Variants in GPC5 observed in about 807,000 individuals in gnomAD.
The protein encoded by GPC5 is glypican 5.
A neutral mutation model predicts 53.9 loss-of-function variants in GPC5; 47 were observed. That is an observed-to-expected ratio of 0.87 (90% CI 0.69 to 1.11). The LOEUF (loss-of-function observed/expected upper bound fraction) is 1.11, where lower values mean the gene tolerates loss of function less well. GPC5 is among the 50% of genes most tolerant of loss of function. GPC5 has a pLI of 0.00. For missense variants in GPC5, 748 were observed against 713.1 expected, an observed-to-expected ratio of 1.05 and a Z score of -0.56; for synonymous variants, 286 against 263.3, an observed-to-expected ratio of 1.09 and a Z score of -0.84.
intron 2 of GPC5, among the ~76,000 whole-genome samples, chr13:91,562,474 C>A (rs917935800): frequency 6.6e-6 from 1 of 151,650 alleles, no homozygotes; most frequent in African/African-American, 2.4e-5. Context: ...TTTTTTCTTT[C>A]TTTTTTTGAG....
intron 1 of GPC5, among the ~76,000 whole-genome samples, chr13:91,414,064 C>T (rs1878006101): frequency 6.6e-6 from 1 of 152,280 alleles, no homozygotes; most frequent in Non-Finnish European, 1.5e-5. Flanking sequence ...CCCACTGCCC[C>T]AGTGGTCTAG....
chr13:91,748,586 A>G (rs1008333865), intron 4 of GPC5, among the ~76,000 whole-genome samples: 1 of 152,246 alleles, frequency 6.6e-6, no homozygotes, highest in Non-Finnish European at 1.5e-5. Context: ...TCCTGGAGAC[A>G]TGAGGAAGAC....
At chr13:92,448,097 A>T (rs1877907010) in intron 7 of GPC5, 2 of 152,278 alleles carry the variant, frequency 1.3e-5, no homozygotes, top group African/African-American at 4.8e-5. Flanking sequence ...AAAGGGAAAC[A>T]TTATTTGAGA....
chr13:91,848,585 G>C (rs1299521073), intron 5 of GPC5, among the ~76,000 whole-genome samples: 3 of 152,108 alleles, frequency 2.0e-5, no homozygotes, highest in African/African-American at 7.2e-5. Context: ...GAAAGTAGAA[G>C]GGAACAATGA....
chr13:91,422,546 G>T (rs1251867678), intron 1 of GPC5, among the ~76,000 whole-genome samples: 1 of 152,074 alleles, frequency 6.6e-6, no homozygotes, highest in Non-Finnish European at 1.5e-5. Flanking sequence ...TGAGGCAGGA[G>T]AATTGCTGGA....
intron 3 of GPC5, among the ~76,000 whole-genome samples, chr13:91,712,457 T>C (rs2036247931): frequency 6.6e-6 from 1 of 152,092 alleles, no homozygotes; most frequent in Non-Finnish European, 1.5e-5. Flanking sequence ...GGTGAAAGTA[T>C]GAATCATAAA....
At chr13:92,797,814 A>G (rs967158394) in intron 7 of GPC5, among the ~76,000 whole-genome samples, 18 of 134,384 alleles carry the variant, frequency 1.3e-4, no homozygotes, top group Admixed American at 1.1e-3. Context: ...AAGATATTCA[A>G]GGGATGATAG....
At chr13:92,343,728 G>C (rs2043386294) in intron 7 of GPC5, among the ~76,000 whole-genome samples, 1 of 151,916 alleles carries the variant, frequency 6.6e-6, no homozygotes, top group Non-Finnish European at 1.5e-5. Context: ...CAAAATCACA[G>C]TTCCAACATT....
intron 6 of GPC5, among the ~76,000 whole-genome samples, chr13:92,073,336 T>G (rs555842376): frequency 6.6e-6 from 1 of 152,354 alleles, no homozygotes; most frequent in South Asian, 2.1e-4. Context: ...TCCTAGTTTC[T>G]AATTGAACCC....
At chr13:92,702,719 A>C (rs913382188) in intron 7 of GPC5, among the ~76,000 whole-genome samples, 2 of 152,076 alleles carry the variant, frequency 1.3e-5, no homozygotes, top group African/African-American at 4.8e-5. Context: ...GGGCAGCCAC[A>C]GTTATTTTTG....
intron 5 of GPC5, 144 bp from the exon 6 acceptor site, chr13:91,907,793 C>A: frequency 2.9e-6 from 2 of 690,730 alleles, no homozygotes; most frequent in Non-Finnish European, 4.7e-6. Context: ...AACATTACAG[C>A]TGTGCCAGTT....
At chr13:91,736,895 C>G (rs554488490) in intron 4 of GPC5, among the ~76,000 whole-genome samples, 1 of 150,898 alleles carries the variant, frequency 6.6e-6, no homozygotes, top group African/African-American at 2.5e-5. Context: ...GAAAACAGAA[C>G]AATAGGAAAA....
In GPC5 at chr13:91,945,027, A is replaced by G. The variant is rs148795073; in HGVS notation, c.1401+36970A>G. On this transcript the variant is annotated intron_variant, in intron 6 of 7. Transcript: ENST00000377067. Reference sequence around the variant, plus strand: ...TTTAAAGTCTTAGTCCCACACAGAGATATATCTTGGAGTTGAACATTCTAA... The same window carrying G: ...TTTAAAGTCTTAGTCCCACACAGAGGTATATCTTGGAGTTGAACATTCTAA... 5.8e-4 allele frequency among the ~76,000 whole-genome samples: 89 copies of G among 152,346 alleles called. 1 individual carries two copies. Among genetic ancestry groups the G allele is most frequent in the African/African-American group, 2.1e-3 (88 of 41,586 alleles).
intron 7 of GPC5, among the ~76,000 whole-genome samples, chr13:92,713,331 G>A (rs554894228): frequency 7.3e-5 from 11 of 151,366 alleles, no homozygotes; most frequent in African/African-American, 2.2e-4. Flanking sequence ...GGTGGCTCAC[G>A]CTTGTAATCC....
chr13:92,352,764 T>G (rs533071913), intron 7 of GPC5, among the ~76,000 whole-genome samples: 2 of 152,318 alleles, frequency 1.3e-5, no homozygotes, highest in African/African-American at 4.8e-5. Context: ...TATACATTAG[T>G]AAACCAGTTT....
chr13:91,876,127 A>T (rs1464335951), intron 5 of GPC5, among the ~76,000 whole-genome samples: 1 of 152,120 alleles, frequency 6.6e-6, no homozygotes, highest in East Asian at 1.9e-4. Flanking sequence ...TTCTGCTGTG[A>T]TTCTGAGGCC....
chr13:91,675,439 C>T (rs2035360153), intron 2 of GPC5, among the ~76,000 whole-genome samples: 1 of 152,038 alleles, frequency 6.6e-6, no homozygotes, highest in African/African-American at 2.4e-5. Context: ...GCTCAAAAAC[C>T]AATTATTACA....
intron 2 of GPC5, among the ~76,000 whole-genome samples, chr13:91,580,015 T>C (rs752347144): frequency 2.0e-5 from 3 of 152,084 alleles, no homozygotes; most frequent in Non-Finnish European, 4.4e-5. Flanking sequence ...AGAGATATAA[T>C]ATTTCACAGA....
chr13:91,880,484 G>A (rs1437793606), intron 5 of GPC5, among the ~76,000 whole-genome samples: 2 of 151,904 alleles, frequency 1.3e-5, no homozygotes, highest in African/African-American at 4.8e-5. Context: ...ATGTTTTGCT[G>A]TACCATTTTG....
Sources: gnomAD v4.1 joint callset for allele counts (sites outside exome capture counted in the v4.1 genomes callset) on GRCh38, gnomAD v4.1.1 for gene constraint, MANE v1.5 for transcripts, NCBI Gene and HGNC (gene_info 2026-07-23, HGNC 2026-07-21) for gene names.